ICMT: variants seen among roughly 807,000 people sequenced by gnomAD.
ICMT encodes protein-S-isoprenylcysteine O-methyltransferase.
A neutral mutation model predicts 32.2 loss-of-function variants in ICMT; 10 were observed. The observed-to-expected ratio is 0.31, with a 90% CI of 0.19 to 0.53. The LOEUF (loss-of-function observed/expected upper bound fraction) is 0.53. Among genes scored for constraint, ICMT ranks in the 20% least tolerant of loss-of-function variants. ICMT has a pLI of 0.96. For synonymous variants in ICMT, 183 were observed against 158.2 expected (o/e 1.16, Z -1.18); for missense variants, 265 against 356.9 (o/e 0.74, Z 2.07).
intron 4 of ICMT, among the ~76,000 whole-genome samples, chr1:6,230,239 C>G (rs1180203916): frequency 6.6e-6 from 1 of 152,090 alleles, no homozygotes; most frequent in African/African-American, 2.4e-5. Flanking sequence ...CTCAGCCTCC[C>G]GAGTAGCTGA....
chr1:6,235,886 G>A lies in ICMT; in HGVS notation c.26C>T (p.Pro9Leu), dbSNP rs1490297716. The change falls in exon 1 of 5, where the codon CCG becomes CTG. Residue 9 changes from proline (P) to leucine (L), a missense_variant. Pro to Leu is a moderately conservative substitution (Grantham distance 98). Around this residue, in one of 2 missense-constraint regions of ICMT, gnomAD observed 99 missense variants for 92.6 expected, o/e 1.07. Transcript: ENST00000343813. ...GCTGAGACGCGCCTCAGAGCCCGGC[G>A]GAGCCCGCGCCGCGCAGCCCGCCAT... is the stretch of plus-strand genomic sequence containing the variant. MAGCAARA[P>L]PGSEARLSLA... The A allele has an allele frequency of 1.1e-5, 12 of 1,141,230 alleles. No homozygotes were observed. In the South Asian group the frequency reaches 2.0e-4, roughly 19 times the overall value. The allele number at this position is 1,141,230 out of a possible 1,614,324, so 70.7% of individuals were successfully genotyped here. A position where few individuals can be genotyped will look rare whatever the true frequency, so the allele number is the denominator to read the frequency against.
chr1:6,232,812 T>G (rs1364058577), intron 3 of ICMT, among the ~76,000 whole-genome samples: 1 of 151,628 alleles, frequency 6.6e-6, no homozygotes. Context: ...CCTCCCAAAG[T>G]GCTGGGATTA....
At chr1:6,234,610 C>G (rs74049513) in intron 2 of ICMT, 9,269 of 516,446 alleles carry the variant, frequency 0.018, 569 homozygotes, top group African/African-American at 0.15. Flanking sequence ...AAGGGCTGCT[C>G]AAGTTACGGA....
At chr1:6,232,921 G>A (rs918279177) in intron 3 of ICMT, among the ~76,000 whole-genome samples, 1 of 149,330 alleles carries the variant, frequency 6.7e-6, no homozygotes, top group Admixed American at 6.7e-5. Flanking sequence ...GCAGTGGCGC[G>A]ATCACGGCTC....
Position 6,228,043 on chromosome 1 carries a change from T to C in ICMT, c.673-2781A>G, listed in dbSNP as rs183458590. 3.4e-3 allele frequency among the ~76,000 whole-genome samples: 522 copies of C among 152,320 alleles called. 8 individuals carry two copies. Among genetic ancestry groups the C allele is most frequent in the African/African-American group, 0.012 (499 of 41,568 alleles). ...AGCTGGGCATGGTGGTGCACACTTATAGTCCCAGCTACTCAGGAGACAAAA... is the reference window on the plus strand; with the variant it reads ...AGCTGGGCATGGTGGTGCACACTTACAGTCCCAGCTACTCAGGAGACAAAA... On this transcript the variant is annotated intron_variant, in intron 4 of 4. Transcript: ENST00000343813.
chr1:6,235,792 G>C lies in ICMT; in HGVS notation c.120C>G (p.Gly40=). Residue 40 remains glycine (G), a synonymous_variant, in exon 1 of 5, where the codon GGC becomes GGG. Coordinates refer to ENST00000343813, the MANE Select transcript of ICMT (RefSeq NM_012405.4). ...LPLLTRAGLQ[G]RTGLALYVAG... is the part of the protein sequence containing the mutation. ...CCACGTAGAGCGCCAGCCCGGTGCG[G>C]CCCTGCAGGCCGGCGCGCGTGAGCA... 7.5e-7 allele frequency: 1 copy of C among 1,329,438 alleles called. No individual in the cohort carries two copies. Among genetic ancestry groups the C allele is most frequent in the South Asian group, 1.6e-5 (1 of 63,754 alleles). 82.4% of individuals were successfully genotyped at this position (1,329,438 alleles called of 1,614,324 possible).
rs771247735 is a variant in ICMT at position 6,232,087 on chromosome 1, C to A, written c.487G>T (p.Gly163Trp). Residue 163 changes from glycine (G) to tryptophan (W), a missense_variant, in exon 4 of 5, where the codon GGG becomes TGG. Physicochemically the swap from Gly to Trp is radical, Grantham distance 184 (BLOSUM62 -2). Coordinates refer to ENST00000343813, the MANE Select transcript of ICMT (RefSeq NM_012405.4). ...TCTCCGAAGACCACCATCAGCAGCC[C>A]TGTGACACTGAGCCAGGTAATCTGC... ...LKQITWLSVTGLLMVVFGECL... is the reference protein window; with the variant it reads ...LKQITWLSVTWLLMVVFGECL... The A allele has an allele frequency of 6.2e-7, 1 of 1,614,040 alleles. No homozygotes were observed. Among genetic ancestry groups the A allele is most frequent in the Admixed American group, 1.7e-5 (1 of 60,006 alleles).
At position 6,224,959 on chromosome 1, in the gene ICMT, A is replaced by C; in HGVS notation, c.*121T>G. 1.1e-6 allele frequency: 1 copy of C among 931,774 alleles called. No individual in the cohort carries two copies. The highest frequency in any genetic ancestry group is 1.6e-6 in the Non-Finnish European group (1 of 609,848). 57.7% of individuals were successfully genotyped at this position (931,774 alleles called of 1,614,324 possible). On this transcript the variant is annotated 3_prime_UTR_variant, in exon 5 of 5. Coordinates refer to ENST00000343813, the MANE Select transcript of ICMT (RefSeq NM_012405.4). ...ACCGCTTGGTCTTGAGTGACATTCC[A>C]GAAGAGTGACTAATGACATAAAACG... is the stretch of plus-strand genomic sequence containing the variant.
At chr1:6,234,704 G>A (rs1668790237) in intron 2 of ICMT, among the ~76,000 whole-genome samples, 182 bp downstream of exon 2, 1 of 152,198 alleles carries the variant, frequency 6.6e-6, no homozygotes, top group Non-Finnish European at 1.5e-5. Context: ...TCAACCCACA[G>A]GCACGAAATC....
rs1340820908 is a variant in ICMT, at chr1:6,235,783, C to T, written c.129G>A (p.Gly43=). The T allele has an allele frequency of 7.5e-7, 1 of 1,335,014 alleles. No homozygotes were observed. Among genetic ancestry groups the T allele is most frequent in the Non-Finnish European group, 9.7e-7 (1 of 1,034,318 alleles). The allele number at this position is 1,335,014 out of a possible 1,614,324, so 82.7% of individuals were successfully genotyped here. A position where few individuals can be genotyped will look rare whatever the true frequency, so the allele number is the denominator to read the frequency against. The stretch of plus-strand genomic sequence containing the variant: ...TGAGCCCGGCCACGTAGAGCGCCAG[C>T]CCGGTGCGGCCCTGCAGGCCGGCGC... The part of the protein sequence containing the change: ...LTRAGLQGRT[G]LALYVAGLNA... Residue 43 remains glycine (G), a synonymous_variant, in exon 1 of 5, where the codon GGG becomes GGA. Transcript: ENST00000343813.
chr1:6,228,059 G>A (rs1668672550), intron 4 of ICMT, among the ~76,000 whole-genome samples: 1 of 152,202 alleles, frequency 6.6e-6, no homozygotes, highest in Admixed American at 6.5e-5. Flanking sequence ...CAGCTACTCA[G>A]GAGACAAAAG....
chr1:6,221,363 A>G lies in ICMT; in HGVS notation c.*3717T>C, dbSNP rs1668544779. 1 of 152,664 alleles carries G rather than the reference A, an allele frequency of 6.6e-6. No individual in the cohort carries two copies. Among genetic ancestry groups the G allele is most frequent in the South Asian group, 2.1e-4 (1 of 4,836 alleles). 9.5% of individuals were successfully genotyped at this position (152,664 alleles called of 1,614,324 possible). On this transcript the variant is annotated 3_prime_UTR_variant, in exon 5 of 5. Coordinates refer to ENST00000343813, the MANE Select transcript of ICMT (RefSeq NM_012405.4). ...ATGGGATAGGCTGCCTCTGCTGCAG[A>G]TGGCTGGGTCTTCCAAACCCATGAC...
At position 6,234,981 on chromosome 1, in the gene ICMT, G is replaced by A. The variant is rs748514612; in HGVS notation, c.196-7C>T. The A allele has an allele frequency of 2.4e-5, 38 of 1,612,054 alleles. No homozygotes were observed. The highest frequency in any genetic ancestry group is 2.1e-4 in the South Asian group (19 of 91,044). ...AACAAGCTCGGATGGCTATCTGAAA[G>A]GAACCCAAGAGAAGCTCAGTCATTC... On this transcript the variant is annotated splice_polypyrimidine_tract_variant and splice_region_variant and intron_variant, in intron 1 of 4. Transcript: ENST00000343813.
chr1:6,226,552 T>C (rs1034686120), intron 4 of ICMT, among the ~76,000 whole-genome samples: 1 of 152,176 alleles, frequency 6.6e-6, no homozygotes, highest in African/African-American at 2.4e-5. Flanking sequence ...GTATGTTTTC[T>C]GAATATATAT....
rs1434189465 is a variant in ICMT at position 6,225,503 on chromosome 1, T to C, written c.673-241A>G. Reference sequence around the variant, plus strand: ...ATCTGTAAATCACAAGATCAACCTCTTGGATTTCAACCCTCAGCTTGGGGT... The same window carrying C: ...ATCTGTAAATCACAAGATCAACCTCCTGGATTTCAACCCTCAGCTTGGGGT... On this transcript the variant is annotated intron_variant, in intron 4 of 4. Transcript: ENST00000343813. 2.0e-5 allele frequency among the ~76,000 whole-genome samples: 3 copies of C among 152,132 alleles called. No individual in the cohort carries two copies. The East Asian group carries it at 5.8e-4, about 29-fold the overall frequency.
chr1:6,235,073 T>A (rs1366870286), intron 1 of ICMT, 99 bp from the exon 2 acceptor site: 3 of 899,558 alleles, frequency 3.3e-6, no homozygotes, highest in Non-Finnish European at 5.4e-6. Context: ...GGCAAGCAGA[T>A]AGAGCCGATT....
At chr1:6,233,339 A>C (rs780638225) in intron 3 of ICMT, 135 bp downstream of exon 3, 1 of 741,900 alleles carries the variant, frequency 1.3e-6, no homozygotes, top group Admixed American at 2.5e-5. Context: ...CTTTATAAAT[A>C]GCTTAGTGAG....
intron 4 of ICMT, among the ~76,000 whole-genome samples, chr1:6,228,523 T>C (rs1007398002): frequency 1.3e-5 from 2 of 151,948 alleles, no homozygotes; most frequent in Admixed American, 1.3e-4. Flanking sequence ...TTTGTATTTT[T>C]AGTAGAGATG....
In ICMT at chr1:6,224,620, CTG is replaced by C. The variant is rs992280876; in HGVS notation, c.*458_*459del. 1.6e-4 allele frequency: 25 copies of C among 155,064 alleles called. No individual in the cohort carries two copies. Among genetic ancestry groups the C allele is most frequent in the Middle Eastern group, 3.3e-3 (1 of 304 alleles). 9.6% of individuals were successfully genotyped at this position (155,064 alleles called of 1,614,324 possible). A position where few individuals can be genotyped will look rare whatever the true frequency, so the allele number is the denominator to read the frequency against. The stretch of plus-strand genomic sequence containing the variant: ...ACAGAAATAAAGAGGTTAAAGCGGT[CTG>C]TGTTTTTCGGTTAAATGAAAGGTTG... On this transcript the variant is annotated 3_prime_UTR_variant, in exon 5 of 5. Transcript: ENST00000343813.
Sources: gnomAD v4.1 joint callset for allele counts (sites outside exome capture counted in the v4.1 genomes callset) on GRCh38, gnomAD v4.1.1 for gene constraint, gnomAD v4.1.1 regional missense constraint, MANE v1.5 for transcripts, NCBI Gene and HGNC (gene_info 2026-07-23, HGNC 2026-07-21) for gene names.